Variants in D2HGDH observed in about 807,000 individuals in gnomAD.
D2HGDH encodes D-2-hydroxyglutarate dehydrogenase, mitochondrial.
In D2HGDH, 31 loss-of-function variants were observed where a neutral mutation model predicts 46.9. The ratio of observed to expected loss-of-function variants is 0.66; its 90% confidence interval spans 0.50 to 0.89. The LOEUF is 0.89. Ranked by LOEUF, D2HGDH falls within the 40% of genes least tolerant of loss-of-function variation. The probability of loss-of-function intolerance (pLI) is 0.00; values close to 1 mark genes in which losing one functional copy is unlikely to be tolerated. For missense variants in D2HGDH, 698 were observed against 720.8 expected (o/e 0.97, Z 0.36); for synonymous variants, 364 against 332.6 (o/e 1.09, Z -1.03).
intron 7 of D2HGDH, 93 bp downstream of exon 7, chr2:241,750,387 GGGTGCCC>G: frequency 6.9e-7 from 1 of 1,450,474 alleles, no homozygotes; most frequent in Non-Finnish European, 9.4e-7. Context: ...GGTGGGCGGG[GGGTGCCC>G]GGGCGGGCGG....
rs187195434 is a variant in D2HGDH, at chr2:241,764,778, C to T, written c.1307-2932C>T. 2.3e-3 allele frequency among the ~76,000 whole-genome samples: 346 copies of T among 152,344 alleles called. 1 individual carries two copies. Among genetic ancestry groups the T allele is most frequent in the African/African-American group, 7.7e-3 (321 of 41,580 alleles). Reference sequence around the variant, plus strand: ...AGCTCCTCCTCGGTGTGCAGCTCTGCGTTAAAAGCCGCTGTCCTTGTCTGG... The same window carrying T: ...AGCTCCTCCTCGGTGTGCAGCTCTGTGTTAAAAGCCGCTGTCCTTGTCTGG... On this transcript the variant is annotated intron_variant, in intron 9 of 9. Coordinates refer to ENST00000321264, the MANE Select transcript of D2HGDH (RefSeq NM_152783.5).
intron 8 of D2HGDH, 22 bp from the exon 9 acceptor site, chr2:241,755,827 C>G: frequency 6.2e-7 from 1 of 1,610,468 alleles, no homozygotes; most frequent in Middle Eastern, 1.7e-4. Context: ...CAGCCCTTGT[C>G]TCATCTCGTC....
At chr2:241,737,809 C>G (rs1349608518) in intron 2 of D2HGDH, among the ~76,000 whole-genome samples, 1 of 152,212 alleles carries the variant, frequency 6.6e-6, no homozygotes, top group East Asian at 1.9e-4. Flanking sequence ...AATTGGTTGA[C>G]TCTTAATTTA....
At chr2:241,758,993 G>A (rs1164243783) in intron 9 of D2HGDH, among the ~76,000 whole-genome samples, 1 of 152,128 alleles carries the variant, frequency 6.6e-6, no homozygotes, top group East Asian at 1.9e-4. Context: ...ATGCAGAAGT[G>A]TGTTTCTTAA....
chr2:241,761,355 A>G (rs35305862), intron 9 of D2HGDH, among the ~76,000 whole-genome samples: 18,872 of 152,020 alleles, frequency 0.12, 1,258 homozygotes, highest in South Asian at 0.2. Flanking sequence ...CCTGGCCAAC[A>G]TGGTGACACC....
At chr2:241,760,038 C>CT (rs1277184908) in intron 9 of D2HGDH, among the ~76,000 whole-genome samples, 2 of 150,166 alleles carry the variant, frequency 1.3e-5, no homozygotes, top group Admixed American at 6.6e-5. Context: ...AGTCGAAGGA[C>CT]TTCGCCACAG....
chr2:241,751,520 G>T (rs913526841), intron 8 of D2HGDH, 132 bp downstream of exon 8: 1 of 1,385,110 alleles, frequency 7.2e-7, no homozygotes, highest in Non-Finnish European at 9.9e-7. Flanking sequence ...GGGTTTCATG[G>T]CTTTGAGAGA....
intron 6 of D2HGDH, chr2:241,749,393 C>G (rs1319129893): frequency 6.3e-6 from 8 of 1,267,030 alleles, no homozygotes; most frequent in Middle Eastern, 4.3e-4. Context: ...CTGTCTCGCC[C>G]TGAAAGGTGG....
rs1239608684 is a variant in D2HGDH, at chr2:241,759,745, T to G, written c.1306+3731T>G. Among the ~76,000 whole-genome samples, 7 of 152,360 alleles carry G rather than the reference T, an allele frequency of 4.6e-5. No homozygotes were observed. The East Asian group carries it at 1.3e-3, about 29-fold the overall frequency. ...CTTCTGGTTTATGTTCTTTGTCATT[T>G]AGCTTTTTGCCGTTTACTAACTGTT... is the stretch of plus-strand genomic sequence containing the variant. On this transcript the variant is annotated intron_variant, in intron 9 of 9. Coordinates refer to ENST00000321264, the MANE Select transcript of D2HGDH (RefSeq NM_152783.5).
chr2:241,757,627 T>C (rs1178590218), intron 9 of D2HGDH, among the ~76,000 whole-genome samples: 3 of 152,094 alleles, frequency 2.0e-5, no homozygotes, highest in African/African-American at 7.2e-5. Context: ...GCAGACCATC[T>C]TGGTGAGAAA....
chr2:241,756,302 G>C (rs979521061), intron 9 of D2HGDH, among the ~76,000 whole-genome samples: 1 of 152,246 alleles, frequency 6.6e-6, no homozygotes, highest in African/African-American at 2.4e-5. Context: ...GGCATGCAGG[G>C]TTGGAGGGCA....
In D2HGDH at chr2:241,756,001, C is replaced by T. The variant is rs1400781664; in HGVS notation, c.1293C>T (p.Gly431=). 1.3e-6 allele frequency: 2 copies of T among 1,598,544 alleles called. No individual in the cohort carries two copies. Among genetic ancestry groups the T allele is most frequent in the Non-Finnish European group, 1.7e-6 (2 of 1,168,692 alleles). The change falls in exon 9 of 10, where the codon GGC becomes GGT. Residue 431 remains glycine (G), a synonymous_variant. Coordinates refer to ENST00000321264, the MANE Select transcript of D2HGDH (RefSeq NM_152783.5). ...RLGPHAKHVV[G]YGHLGDGNLH... ...GCCCGCACGCCAAGCACGTGGTGGG[C>T]TATGGCCACCTTGGTGAGCGGCGCC...
intron 9 of D2HGDH, among the ~76,000 whole-genome samples, chr2:241,760,147 C>T (rs1474567506): frequency 2.0e-5 from 2 of 100,420 alleles, no homozygotes; most frequent in South Asian, 3.2e-4. Context: ...TGGGCCTTAC[C>T]CAATCAGTCG....
intron 2 of D2HGDH, 81 bp from the exon 3 acceptor site, chr2:241,740,952 C>T (rs1694291758): frequency 8.5e-7 from 1 of 1,176,942 alleles, no homozygotes; most frequent in Non-Finnish European, 1.2e-6. Flanking sequence ...AAAAAAAAAA[C>T]TCGCTCTCTG....
chr2:241,763,798 G>A (rs1699042507), intron 9 of D2HGDH, among the ~76,000 whole-genome samples: 1 of 152,178 alleles, frequency 6.6e-6, no homozygotes, highest in Non-Finnish European at 1.5e-5. Context: ...GGGAAGCTGA[G>A]GTGGGAGGAC....
At position 241,755,658 on chromosome 2, in the gene D2HGDH, C is replaced by T. The variant is rs927661639; in HGVS notation, c.1141-191C>T. On this transcript the variant is annotated intron_variant, in intron 8 of 9. Coordinates refer to ENST00000321264, the MANE Select transcript of D2HGDH (RefSeq NM_152783.5). ...GCATTCGCTGTCCTGGGTCAGAGCC[C>T]CTCCTGGTCTGGGACATTCGCTGTC... 7.8e-6 allele frequency: 12 copies of T among 1,539,814 alleles called. No individual in the cohort carries two copies. The African/African-American group carries it at 1.4e-4, about 18-fold the overall frequency.
chr2:241,755,613 G>A, intron 8 of D2HGDH: 1 of 1,518,760 alleles, frequency 6.6e-7, no homozygotes, highest in Non-Finnish European at 8.9e-7. Context: ...TTCCAGGGTT[G>A]GAGCCACACC....
intron 9 of D2HGDH, among the ~76,000 whole-genome samples, chr2:241,763,710 G>A (rs925543124): frequency 7.2e-5 from 11 of 152,134 alleles, no homozygotes; most frequent in Admixed American, 5.2e-4. Context: ...TGGGTGAAAC[G>A]TTGTTATGAA....
In D2HGDH at chr2:241,735,867, A is replaced by T. The variant is rs151109371; in HGVS notation, c.292+351A>T. On this transcript the variant is annotated intron_variant, in intron 2 of 9. Coordinates refer to ENST00000321264, the MANE Select transcript of D2HGDH (RefSeq NM_152783.5). ...CACCTCTGCCTCCCGGGTTCAAGCG[A>T]TTTGCCTGCCTCAGCCTCCCTAGTA... 2,336 of 321,864 alleles carry T rather than the reference A, an allele frequency of 7.3e-3. 56 individuals carry two copies. The highest frequency in any genetic ancestry group is 0.047 in the African/African-American group (2,143 of 45,242). 19.9% of individuals were successfully genotyped at this position (321,864 alleles called of 1,614,324 possible).
Sources: gnomAD v4.1 joint callset for allele counts (sites outside exome capture counted in the v4.1 genomes callset) on GRCh38, gnomAD v4.1.1 for gene constraint, MANE v1.5 for transcripts, NCBI Gene and HGNC (gene_info 2026-07-23, HGNC 2026-07-21) for gene names.